ZFYVE9: variants seen among roughly 807,000 people sequenced by gnomAD.
The protein encoded by ZFYVE9 is zinc finger FYVE domain-containing protein 9.
Under a neutral mutation model 126.7 loss-of-function variants are expected in ZFYVE9, and 43 were observed. The observed-to-expected ratio is 0.34, with a 90% CI of 0.27 to 0.44. The LOEUF (loss-of-function observed/expected upper bound fraction) is 0.44. Ranked by LOEUF, ZFYVE9 falls within the 20% of genes least tolerant of loss-of-function variation. The pLI is 1.00. For missense variants in ZFYVE9, 1,476 were observed against 1,697.0 expected (o/e 0.87, Z 2.29); for synonymous variants, 521 against 597.4 (o/e 0.87, Z 1.87).
chr1:52,272,100 A>T (rs1200676149), intron 7 of ZFYVE9, among the ~76,000 whole-genome samples: 1 of 152,178 alleles, frequency 6.6e-6, no homozygotes, highest in Non-Finnish European at 1.5e-5. Flanking sequence ...GGCCTCTCAA[A>T]GTGCTGGGAT....
intron 13 of ZFYVE9, among the ~76,000 whole-genome samples, chr1:52,306,219 G>T (rs770919273): frequency 3.3e-5 from 5 of 152,144 alleles, no homozygotes; most frequent in Non-Finnish European, 7.4e-5. Context: ...TCTGAGGCCT[G>T]TAAAAGCCCT....
chr1:52,293,757 A>C, intron 11 of ZFYVE9, 80 bp downstream of exon 11: 1 of 1,338,300 alleles, frequency 7.5e-7, no homozygotes, highest in Admixed American at 2.1e-5. Flanking sequence ...GTTTGGTGAT[A>C]TAATTCAGCA....
chr1:52,279,810 G>A (rs1645784391), intron 9 of ZFYVE9, among the ~76,000 whole-genome samples: 1 of 152,134 alleles, frequency 6.6e-6, no homozygotes, highest in Non-Finnish European at 1.5e-5. Context: ...TATTCTGAAT[G>A]AGTGTTAATA....
intron 4 of ZFYVE9, among the ~76,000 whole-genome samples, chr1:52,258,802 C>G (rs546237146): frequency 1.3e-5 from 2 of 152,064 alleles, no homozygotes; most frequent in African/African-American, 4.8e-5. Flanking sequence ...CGTAAAGGAT[C>G]TCTCTATACT....
intron 17 of ZFYVE9, among the ~76,000 whole-genome samples, chr1:52,340,904 C>CAAAAAAAAA (rs10608842): frequency 2.0e-5 from 2 of 100,700 alleles, no homozygotes; most frequent in African/African-American, 3.6e-5. Context: ...GACTCCGTCT[C>CAAAAAAAAA]AAAAAAAAAA....
intron 1 of ZFYVE9, among the ~76,000 whole-genome samples, chr1:52,184,395 T>G (rs1644745089): frequency 7.5e-6 from 1 of 133,218 alleles, no homozygotes. Flanking sequence ...TCCAGCTAAT[T>G]TTTTTTTTTT....
In ZFYVE9 at chr1:52,179,495, G is replaced by A. The variant is rs139099132; in HGVS notation, c.-142-36874G>A. ...CTAAAAATACAAAAATTAGTTGGGC[G>A]TGGTGGCACATGCCTATAGTCCCAG... On this transcript the variant is annotated intron_variant, in intron 1 of 18. Transcript: ENST00000287727. Among the ~76,000 whole-genome samples, 745 of 152,242 alleles carry A rather than the reference G, an allele frequency of 4.9e-3. 5 individuals carry two copies. Among genetic ancestry groups the A allele is most frequent in the African/African-American group, 0.017 (708 of 41,538 alleles).
intron 13 of ZFYVE9, among the ~76,000 whole-genome samples, chr1:52,319,070 C>T (rs1338500667): frequency 1.3e-5 from 2 of 152,196 alleles, no homozygotes; most frequent in Non-Finnish European, 2.9e-5. Context: ...GCACTTCACT[C>T]TGGGTGACAG....
intron 1 of ZFYVE9, chr1:52,162,376 A>T: frequency 2.9e-6 from 1 of 346,392 alleles, no homozygotes; most frequent in Non-Finnish European, 5.8e-6. Flanking sequence ...CACCTCCGCC[A>T]CCACCACTAT....
chr1:52,299,505 G>A (rs961487649), intron 12 of ZFYVE9, among the ~76,000 whole-genome samples: 3 of 152,202 alleles, frequency 2.0e-5, no homozygotes, highest in Admixed American at 6.5e-5. Flanking sequence ...GATTTCCACT[G>A]TTCCCATTCA....
rs146309080 is a variant in ZFYVE9 at position 52,328,658 on chromosome 1, G to A, written c.3439-4110G>A. ...AGAAACCACTTTAGCCTAATGATTC[G>A]GAAGAAATGATTTCTTTAAAATTGT... is the stretch of plus-strand genomic sequence containing the variant. On this transcript the variant is annotated intron_variant, in intron 13 of 18. Coordinates refer to ENST00000287727, the MANE Select transcript of ZFYVE9 (RefSeq NM_004799.4). Among the ~76,000 whole-genome samples, 380 of 152,196 alleles carry A rather than the reference G, an allele frequency of 2.5e-3. 13 individuals carry two copies. The South Asian group carries it at 0.043, about 17-fold the overall frequency.
intron 1 of ZFYVE9, among the ~76,000 whole-genome samples, chr1:52,165,117 C>T (rs1644500782): frequency 6.6e-6 from 1 of 151,876 alleles, no homozygotes. Flanking sequence ...AAAAAAAAAT[C>T]CAGAAAATAA....
chr1:52,145,477 A>G (rs867271892), intron 1 of ZFYVE9, among the ~76,000 whole-genome samples: 3 of 152,348 alleles, frequency 2.0e-5, no homozygotes, highest in African/African-American at 7.2e-5. Flanking sequence ...TGTTAATTGC[A>G]TAATGTGGTA....
Position 52,238,709 on chromosome 1 carries a change from C to A in ZFYVE9, c.1292C>A (p.Thr431Asn). The change falls in exon 4 of 19, where the codon ACT (threonine) becomes AAT (asparagine). Residue 431 changes from threonine (T) to asparagine (N), a missense_variant. Transcript: ENST00000287727. Reference sequence around the variant, plus strand: ...CTACAGATTAGTCAGCCTGAGGACACTAATGGTGATAGTGGAGGACAGTGT... The same window carrying A: ...CTACAGATTAGTCAGCCTGAGGACAATAATGGTGATAGTGGAGGACAGTGT... ...KFLQISQPED[T>N]NGDSGGQCVG... 1 of 1,614,092 alleles carries A rather than the reference C, an allele frequency of 6.2e-7. No homozygotes were observed. Among genetic ancestry groups the A allele is most frequent in the African/African-American group, 1.3e-5 (1 of 75,036 alleles).
Position 52,268,594 on chromosome 1 carries a change from C to G in ZFYVE9, c.2587C>G (p.Pro863Ala), listed in dbSNP as rs770482378. The change falls in exon 7 of 19, where the codon CCA becomes GCA. Residue 863 changes from proline to alanine, a missense_variant. Physicochemically the swap from Pro to Ala is conservative, Grantham distance 27. Transcript: ENST00000287727. The stretch of plus-strand genomic sequence containing the variant: ...AGGAACCCTGGCTGTGTCACACGAC[C>G]CAGTCAAGCCAGTAACTACCAGTCC... ...SAGTLAVSHD[P>A]VKPVTTSPLP... 1.2e-6 allele frequency: 2 copies of G among 1,613,986 alleles called. No homozygotes were observed. The highest frequency in any genetic ancestry group is 1.7e-6 in the Non-Finnish European group (2 of 1,179,954).
At chr1:52,166,352 C>T (rs1279171963) in intron 1 of ZFYVE9, among the ~76,000 whole-genome samples, 1 of 152,164 alleles carries the variant, frequency 6.6e-6, no homozygotes, top group Admixed American at 6.5e-5. Flanking sequence ...CTGTGGACTA[C>T]AATTTGAGAA....
At position 52,238,398 on chromosome 1, in the gene ZFYVE9, C is replaced by T. The variant is rs780488992; in HGVS notation, c.981C>T (p.Ser327=). The T allele has an allele frequency of 1.9e-6, 3 of 1,614,014 alleles. No individual in the cohort carries two copies. The East Asian group carries it at 6.7e-5, about 36-fold the overall frequency. ...TGAAAAAAGAGCCAGCAGAGGAGAG[C>T]ACCACTGAAGAATCCCTCCGGTCTG... ...ILMKKEPAEE[S]TTEESLRSGL... Residue 327 remains serine (S), a synonymous_variant, in exon 4 of 19, where the codon AGC becomes AGT. Transcript: ENST00000287727.
intron 8 of ZFYVE9, among the ~76,000 whole-genome samples, chr1:52,276,878 C>A (rs1232743336): frequency 6.6e-6 from 1 of 152,154 alleles, no homozygotes; most frequent in African/African-American, 2.4e-5. Flanking sequence ...CTATGAAATT[C>A]TTCATCTTAT....
chr1:52,329,438 T>A (rs1202675165), intron 13 of ZFYVE9, among the ~76,000 whole-genome samples: 1 of 152,164 alleles, frequency 6.6e-6, no homozygotes, highest in African/African-American at 2.4e-5. Flanking sequence ...TGGCATTGGA[T>A]TCTTAGATAT....
Sources: allele counts gnomAD v4.1 joint callset (sites outside exome capture counted in the v4.1 genomes callset), GRCh38; gene constraint gnomAD v4.1.1; transcripts MANE v1.5; gene names NCBI Gene and HGNC (gene_info 2026-07-23, HGNC 2026-07-21).